Variants in RIN3 observed in about 807,000 individuals in gnomAD.
RIN3 encodes the protein Ras and Rab interactor 3, also known as RAB5 interacting protein 3.
A neutral mutation model predicts 76.3 loss-of-function variants in RIN3; 54 were observed. The observed-to-expected ratio is 0.71, with a 90% CI of 0.57 to 0.89. The LOEUF (loss-of-function observed/expected upper bound fraction) is 0.89. Among genes scored for constraint, RIN3 ranks in the 40% least tolerant of loss-of-function variants. The probability of loss-of-function intolerance (pLI) is 0.00; values close to 1 mark genes in which losing one functional copy is unlikely to be tolerated. For missense variants in RIN3, 1,256 were observed against 1,322.1 expected, an observed-to-expected ratio of 0.95 and a Z score of 0.78; for synonymous variants, 576 against 564.0, an observed-to-expected ratio of 1.02 and a Z score of -0.30.
chr14:92,518,680 G>A (rs568829523), intron 1 of RIN3, among the ~76,000 whole-genome samples: 10 of 152,280 alleles, frequency 6.6e-5, no homozygotes, highest in South Asian at 2.1e-4. Context: ...TGTCTCAGCC[G>A]GAAGAATGGA....
Position 92,688,534 on chromosome 14 carries a change from C to T in RIN3, c.*282C>T. 1 of 493,286 alleles carries T rather than the reference C, an allele frequency of 2.0e-6. No individual in the cohort carries two copies. Among genetic ancestry groups the T allele is most frequent in the South Asian group, 2.8e-5 (1 of 35,734 alleles). The allele number at this position is 493,286 out of a possible 1,614,324, so 30.6% of individuals were successfully genotyped here. On this transcript the variant is annotated 3_prime_UTR_variant, in exon 10 of 10. Coordinates refer to ENST00000216487, the MANE Select transcript of RIN3 (RefSeq NM_024832.5). ...GAGAGGCGCTCCAGGCCGCTGCAGCCAACAAACCGGCGCCCTCTTCACACG... is the reference window on the plus strand; with the variant it reads ...GAGAGGCGCTCCAGGCCGCTGCAGCTAACAAACCGGCGCCCTCTTCACACG...
chr14:92,556,748 C>T (rs1233353641), intron 2 of RIN3, among the ~76,000 whole-genome samples: 1 of 152,208 alleles, frequency 6.6e-6, no homozygotes, highest in African/African-American at 2.4e-5. Context: ...TGTTTAATTA[C>T]CAAAGTGATA....
intron 3 of RIN3, among the ~76,000 whole-genome samples, chr14:92,613,094 G>A (rs115567837): frequency 2.4e-3 from 358 of 152,340 alleles, no homozygotes; most frequent in African/African-American, 8.2e-3. Context: ...ATGTAGGCTG[G>A]GCTTTTTGTG....
In RIN3 at chr14:92,670,080, G is replaced by A. The variant is rs12434441; in HGVS notation, c.2336-6395G>A. ...CCAGCTGATTTTTTTTTTTTTTTAA[G>A]TAGAGACAAAGTCTCACTATGTTGC... On this transcript the variant is annotated intron_variant, in intron 7 of 9. Transcript: ENST00000216487. 5.4e-3 allele frequency among the ~76,000 whole-genome samples: 781 copies of A among 145,968 alleles called. 5 individuals carry two copies. The highest frequency in any genetic ancestry group is 0.018 in the African/African-American group (721 of 39,118).
rs1406635717 is a variant in RIN3, at chr14:92,558,891, T to TC, written c.249+2936_249+2937insC. On this transcript the variant is annotated intron_variant, in intron 2 of 9. Transcript: ENST00000216487. ...TTTTGTTTTTTCTTTTCTTTTCTTT[T>TC]TTTTTTTTTTTTGGTGAGACAGAGT... Among the ~76,000 whole-genome samples the TC allele has an allele frequency of 9.4e-5, 14 of 148,224 alleles. No individual in the cohort carries two copies. The East Asian group carries it at 1.2e-3, about 12-fold the overall frequency.
chr14:92,628,819 C>T (rs1438238343), intron 4 of RIN3, among the ~76,000 whole-genome samples: 1 of 152,144 alleles, frequency 6.6e-6, no homozygotes, highest in Non-Finnish European at 1.5e-5. Flanking sequence ...GAATCCCTTC[C>T]CATTCTGGAC....
At chr14:92,618,434 A>G (rs1886052151) in intron 4 of RIN3, among the ~76,000 whole-genome samples, 1 of 152,206 alleles carries the variant, frequency 6.6e-6, no homozygotes, top group Non-Finnish European at 1.5e-5. Flanking sequence ...GACCCTTCAC[A>G]GTTTTGAGAT....
At chr14:92,646,537 C>T (rs951634054) in intron 5 of RIN3, among the ~76,000 whole-genome samples, 5 of 152,182 alleles carry the variant, frequency 3.3e-5, no homozygotes, top group African/African-American at 1.2e-4. Context: ...CAGGTTTAAG[C>T]GATTCTCCTG....
chr14:92,529,635 T>C (rs1896832721), intron 1 of RIN3, among the ~76,000 whole-genome samples: 1 of 152,222 alleles, frequency 6.6e-6, no homozygotes, highest in Non-Finnish European at 1.5e-5. Flanking sequence ...CAGCTGAGGT[T>C]GAACAGGGCG....
intron 3 of RIN3, among the ~76,000 whole-genome samples, chr14:92,592,051 A>T (rs1395770836): frequency 6.6e-6 from 1 of 152,222 alleles, no homozygotes; most frequent in East Asian, 1.9e-4. Flanking sequence ...AAGCAAAATG[A>T]TGGCCCAACA....
At position 92,652,010 on chromosome 14, in the gene RIN3, C is replaced by T. The variant is rs561310631; in HGVS notation, c.961C>T (p.His321Tyr). 6 of 1,573,332 alleles carry T rather than the reference C, an allele frequency of 3.8e-6. No homozygotes were observed. The highest frequency in any genetic ancestry group is 5.2e-6 in the Non-Finnish European group (6 of 1,154,766). ...CACCTCTCCCCCAGTGCCTGCCCCC[C>T]ACGTCACACCCCATGCCCCAGGTCC... is the stretch of plus-strand genomic sequence containing the variant. ...LPTSPPVPAPHVTPHAPGPPD... is the reference protein window; with the variant it reads ...LPTSPPVPAPYVTPHAPGPPD... The change falls in exon 6 of 10, where the codon CAC becomes TAC. Residue 321 changes from histidine (H) to tyrosine (Y), a missense_variant. Around this residue, in one of 3 missense-constraint regions of RIN3, gnomAD observed 610 missense variants for 626.4 expected, o/e 0.97. Coordinates refer to ENST00000216487, the MANE Select transcript of RIN3 (RefSeq NM_024832.5). This position sits in a 1 kb window ranked among gnomAD's most constrained non-coding sequence, Gnocchi z 6.4.
chr14:92,521,201 C>T (rs762026252), intron 1 of RIN3, among the ~76,000 whole-genome samples: 56 of 151,712 alleles, frequency 3.7e-4, no homozygotes, highest in African/African-American at 1.3e-3. Flanking sequence ...ATCCACCCAT[C>T]GACCTATCCA....
At chr14:92,627,131 C>T (rs141355128) in intron 4 of RIN3, among the ~76,000 whole-genome samples, 193 of 152,284 alleles carry the variant, frequency 1.3e-3, no homozygotes, top group African/African-American at 4.0e-3. Flanking sequence ...TGACTATCCC[C>T]GTCCTTACCT....
rs34494858 is a variant in RIN3 at position 92,674,889 on chromosome 14, C to CAA, written c.2336-1571_2336-1570dup. Among the ~76,000 whole-genome samples the CAA allele has an allele frequency of 9.8e-3, 1,166 of 118,512 alleles. 16 individuals are homozygous for CAA. Among genetic ancestry groups the CAA allele is most frequent in the African/African-American group, 0.03 (950 of 31,312 alleles). 77.7% of individuals were successfully genotyped at this position (118,512 alleles called of 152,430 possible). A position where few individuals can be genotyped will look rare whatever the true frequency, so the allele number is the denominator to read the frequency against. ...TGGCAACAAGAGCAAAACTCTGTCTCAAAAAAAAAAAAAAAAGGGAAAAGA... is the reference window on the plus strand; with the variant it reads ...TGGCAACAAGAGCAAAACTCTGTCTCAAAAAAAAAAAAAAAAAAGGGAAAAGA... On this transcript the variant is annotated intron_variant, in intron 7 of 9. Coordinates refer to ENST00000216487, the MANE Select transcript of RIN3 (RefSeq NM_024832.5).
intron 1 of RIN3, among the ~76,000 whole-genome samples, chr14:92,545,006 A>T (rs1897224383): frequency 6.7e-6 from 1 of 150,164 alleles, no homozygotes. Context: ...CTTTACATAA[A>T]TGTTTTCATT....
At chr14:92,672,672 G>A (rs1463257531) in intron 7 of RIN3, among the ~76,000 whole-genome samples, 2 of 152,074 alleles carry the variant, frequency 1.3e-5, no homozygotes, top group African/African-American at 4.8e-5. Context: ...GTGTGTGTGT[G>A]TGTGTGTGTG....
intron 7 of RIN3, among the ~76,000 whole-genome samples, chr14:92,662,473 C>G (rs1235566910): frequency 6.6e-6 from 1 of 152,260 alleles, no homozygotes; most frequent in Non-Finnish European, 1.5e-5. Context: ...GACTTAGGTG[C>G]TCAGCCTCAG....
chr14:92,628,221 A>T (rs1886427257), intron 4 of RIN3, among the ~76,000 whole-genome samples: 1 of 152,216 alleles, frequency 6.6e-6, no homozygotes, highest in African/African-American at 2.4e-5. Flanking sequence ...TTTGAAGAGG[A>T]ACTATTTGTT....
At chr14:92,632,028 A>G (rs1482910536) in intron 4 of RIN3, among the ~76,000 whole-genome samples, 1 of 152,176 alleles carries the variant, frequency 6.6e-6, no homozygotes, top group African/African-American at 2.4e-5. Context: ...AGGAGAAAGC[A>G]GGAGGGAGTA....
Sources: allele counts gnomAD v4.1 joint callset (sites outside exome capture counted in the v4.1 genomes callset), GRCh38; gene constraint gnomAD v4.1.1; regional missense constraint gnomAD v4.1.1; non-coding constraint Gnocchi (gnomAD v3.1); transcripts MANE v1.5; gene names NCBI Gene and HGNC (gene_info 2026-07-23, HGNC 2026-07-21).